The following TBC1D32 variants were observed in gnomAD, a reference collection of about 807,000 sequenced individuals.
TBC1D32 encodes TBC1 domain family member 32, also known as protein broad-minded.
TBC1D32 carries 151 observed loss-of-function variants against 170.3 expected under a neutral mutation model. The ratio of observed to expected loss-of-function variants is 0.89; its 90% confidence interval spans 0.78 to 1.01. The LOEUF (loss-of-function observed/expected upper bound fraction) is 1.01. Ranked by LOEUF, TBC1D32 falls within the 50% of genes least tolerant of loss-of-function variation. The pLI is 0.00. For synonymous variants in TBC1D32, 498 were observed against 488.0 expected, an observed-to-expected ratio of 1.02 and a Z score of -0.27; for missense variants, 1,464 against 1,457.1, an observed-to-expected ratio of 1.00 and a Z score of -0.08.
intron 29 of TBC1D32, among the ~76,000 whole-genome samples, chr6:121,108,454 C>T (rs1443236032): frequency 6.6e-6 from 1 of 152,002 alleles, no homozygotes; most frequent in Non-Finnish European, 1.5e-5. Context: ...ATTAATGGAA[C>T]ACATGCAGGA....
intron 14 of TBC1D32, among the ~76,000 whole-genome samples, chr6:121,280,459 C>T (rs1030614056): frequency 6.6e-6 from 1 of 151,666 alleles, no homozygotes; most frequent in Non-Finnish European, 1.5e-5. Context: ...CAGAGGGCTA[C>T]TGTCAAGAAT....
At chr6:121,217,468 A>C (rs1005554183) in intron 21 of TBC1D32, among the ~76,000 whole-genome samples, 1 of 152,260 alleles carries the variant, frequency 6.6e-6, no homozygotes, top group Non-Finnish European at 1.5e-5. Context: ...ATAGAATACT[A>C]TGCAGCATTT....
At chr6:121,310,356 G>C (rs1301601117) in intron 4 of TBC1D32, among the ~76,000 whole-genome samples, 1 of 151,982 alleles carries the variant, frequency 6.6e-6, no homozygotes, top group Non-Finnish European at 1.5e-5. Context: ...TGTACAAGAC[G>C]AATATACACG....
At chr6:121,138,466 A>G (rs1782389967) in intron 24 of TBC1D32, among the ~76,000 whole-genome samples, 1 of 152,222 alleles carries the variant, frequency 6.6e-6, no homozygotes, top group African/African-American at 2.4e-5. Flanking sequence ...AGTTTTACTT[A>G]TCAAAAGAAA....
intron 30 of TBC1D32, among the ~76,000 whole-genome samples, chr6:121,102,165 G>A (rs1036048949): frequency 1.1e-4 from 16 of 151,822 alleles, no homozygotes; most frequent in Non-Finnish European, 1.3e-4. Flanking sequence ...CATACTGCCC[G>A]AGGTAACTGA....
chr6:121,257,528 T>G (rs1799203088), intron 15 of TBC1D32, among the ~76,000 whole-genome samples: 1 of 152,234 alleles, frequency 6.6e-6, no homozygotes, highest in Admixed American at 6.5e-5. Flanking sequence ...AGAATTCTTC[T>G]GTGAAGAACT....
At chr6:121,090,726 G>A (rs945287457) in intron 31 of TBC1D32, 127 bp downstream of exon 31, 1 of 788,904 alleles carries the variant, frequency 1.3e-6, no homozygotes. Context: ...AAATGGGGAT[G>A]ATAATAGTAT....
intron 19 of TBC1D32, among the ~76,000 whole-genome samples, chr6:121,240,781 A>G (rs1796877499): frequency 6.6e-6 from 1 of 150,436 alleles, no homozygotes; most frequent in South Asian, 2.1e-4. Context: ...TCAGCTACTC[A>G]GCAGAATTGC....
At chr6:121,102,870 A>G (rs1778275829) in intron 30 of TBC1D32, among the ~76,000 whole-genome samples, 1 of 152,202 alleles carries the variant, frequency 6.6e-6, no homozygotes, top group South Asian at 2.1e-4. Context: ...CAGAATCTAC[A>G]AAGAACTCAA....
chr6:121,096,018 C>T (rs1278223592), intron 30 of TBC1D32: 1 of 152,130 alleles, frequency 6.6e-6, no homozygotes, highest in African/African-American at 2.4e-5. Flanking sequence ...ACCAGCTCCT[C>T]TTTGTACCTC....
At chr6:121,305,639 C>T (rs977939680) in intron 5 of TBC1D32, among the ~76,000 whole-genome samples, 1 of 152,006 alleles carries the variant, frequency 6.6e-6, no homozygotes, top group African/African-American at 2.4e-5. Flanking sequence ...CCAAGAAATT[C>T]CTACTGAACA....
At chr6:121,253,486 A>G (rs1798562192) in intron 17 of TBC1D32, among the ~76,000 whole-genome samples, 1 of 152,210 alleles carries the variant, frequency 6.6e-6, no homozygotes, top group South Asian at 2.1e-4. Context: ...TGGGAGGCCG[A>G]GGCGGGCGGA....
At chr6:121,267,293 G>C (rs117033316) in intron 15 of TBC1D32, among the ~76,000 whole-genome samples, 4,977 of 152,126 alleles carry the variant, frequency 0.033, 194 homozygotes, top group East Asian at 0.12. Context: ...TGCAGCCCAT[G>C]GAGTGTGAAC....
At chr6:121,212,095 C>T (rs1177144230) in intron 21 of TBC1D32, among the ~76,000 whole-genome samples, 1 of 152,012 alleles carries the variant, frequency 6.6e-6, no homozygotes, top group Non-Finnish European at 1.5e-5. Context: ...CTATGAACAT[C>T]TCTATGCAAA....
At chr6:121,306,270 T>G (rs1807305899) in intron 5 of TBC1D32, among the ~76,000 whole-genome samples, 1 of 152,206 alleles carries the variant, frequency 6.6e-6, no homozygotes, top group Non-Finnish European at 1.5e-5. Context: ...AAACCACTTC[T>G]GTTTACCAGT....
chr6:121,279,390 T>A, intron 14 of TBC1D32, 145 bp from the exon 15 acceptor site: 2 of 961,818 alleles, frequency 2.1e-6, no homozygotes, highest in Admixed American at 3.3e-5. Context: ...GGCTGTGAAA[T>A]AATATGTCTG....
At chr6:121,206,603 T>A (rs568804501) in intron 21 of TBC1D32, among the ~76,000 whole-genome samples, 1 of 152,200 alleles carries the variant, frequency 6.6e-6, no homozygotes, top group Non-Finnish European at 1.5e-5. Context: ...ACAACTGGAC[T>A]GTGGGTAGAG....
At chr6:121,298,963 A>T (rs2128472498) in intron 10 of TBC1D32, among the ~76,000 whole-genome samples, 1 of 152,266 alleles carries the variant, frequency 6.6e-6, no homozygotes, top group Admixed American at 6.5e-5. Context: ...TTCTACTAAT[A>T]GTAACAAATG....
intron 17 of TBC1D32, among the ~76,000 whole-genome samples, chr6:121,247,804 T>C (rs1050261804): frequency 6.7e-6 from 1 of 148,344 alleles, no homozygotes; most frequent in Non-Finnish European, 1.5e-5. Flanking sequence ...ACACTGGAGC[T>C]CCCACATTTA....
Sources: allele counts gnomAD v4.1 joint callset (sites outside exome capture counted in the v4.1 genomes callset), GRCh38; gene constraint gnomAD v4.1.1; transcripts MANE v1.5; gene names NCBI Gene and HGNC (gene_info 2026-07-23, HGNC 2026-07-21).